Variants in KANSL1L observed in about 807,000 individuals in gnomAD.
KANSL1L encodes the protein KAT8 regulatory NSL complex subunit 1 like.
A neutral mutation model predicts 108.6 loss-of-function variants in KANSL1L; 25 were observed. That is an observed-to-expected ratio of 0.23 (90% CI 0.17 to 0.32). The LOEUF (loss-of-function observed/expected upper bound fraction) is 0.32. KANSL1L is among the 10% of genes least tolerant of loss of function. The pLI is 1.00. For synonymous variants in KANSL1L, 405 were observed against 395.1 expected (o/e 1.03, Z -0.30); for missense variants, 1,137 against 1,125.7 (o/e 1.01, Z -0.14).
chr2:210,169,957 TAAGACA>T (rs1688233501), intron 1 of KANSL1L, among the ~76,000 whole-genome samples: 1 of 152,216 alleles, frequency 6.6e-6, no homozygotes, highest in Non-Finnish European at 1.5e-5. Context: ...TACAATCTCT[TAAGACA>T]GAGACCATAT....
chr2:210,030,541 G>T (rs1405385827), intron 9 of KANSL1L, among the ~76,000 whole-genome samples: 1 of 145,284 alleles, frequency 6.9e-6, no homozygotes, highest in Non-Finnish European at 1.5e-5. Flanking sequence ...GTTACTGTGT[G>T]TGTGTGTGTG....
chr2:210,070,224 C>CTTTTTTTTTTTTT (rs71043971), intron 6 of KANSL1L, among the ~76,000 whole-genome samples: 15 of 77,564 alleles, frequency 1.9e-4, no homozygotes, highest in Admixed American at 5.0e-4. Flanking sequence ...TTTCTCCGTT[C>CTTTTTTTTTTTTT]TTTTTTTTTT....
chr2:210,162,644 C>T (rs1447379517), intron 1 of KANSL1L, among the ~76,000 whole-genome samples: 1 of 151,702 alleles, frequency 6.6e-6, no homozygotes, highest in Non-Finnish European at 1.5e-5. Flanking sequence ...CAGGACAAAA[C>T]GTGGGGGTTT....
chr2:210,060,366 G>T (rs1252000813), intron 6 of KANSL1L, among the ~76,000 whole-genome samples: 1 of 152,134 alleles, frequency 6.6e-6, no homozygotes, highest in Non-Finnish European at 1.5e-5. Flanking sequence ...AATAGGAATA[G>T]TTCTGCCTTA....
chr2:210,049,606 A>C (rs974755553), intron 6 of KANSL1L, among the ~76,000 whole-genome samples: 4 of 152,058 alleles, frequency 2.6e-5, no homozygotes, highest in African/African-American at 9.7e-5. Flanking sequence ...TTAAAAGAAA[A>C]ATTTTCTTTC....
chr2:210,164,210 G>A (rs1023503313), intron 1 of KANSL1L, among the ~76,000 whole-genome samples: 3 of 152,160 alleles, frequency 2.0e-5, no homozygotes, highest in Non-Finnish European at 4.4e-5. Context: ...CTCTGTATGT[G>A]TGCCAAGTCT....
At chr2:210,113,637 C>A (rs1221530245) in intron 3 of KANSL1L, among the ~76,000 whole-genome samples, 2 of 151,894 alleles carry the variant, frequency 1.3e-5, no homozygotes, top group Admixed American at 1.3e-4. Context: ...GACTTTAAAA[C>A]AACTGTCTTA....
At chr2:210,118,472 C>CAAA (rs1273220048) in intron 3 of KANSL1L, among the ~76,000 whole-genome samples, 8 of 42,262 alleles carry the variant, frequency 1.9e-4, no homozygotes, top group African/African-American at 5.3e-4. Flanking sequence ...TACTCCAACT[C>CAAA]AAAAAAAAAA....
rs112348344 is a variant in KANSL1L, at chr2:210,044,005, A to G, written c.1855T>C (p.Tyr619His). ...TCTGATACATGTTCTCTTAATAGGT[A>G]AGACTCCGAATTGTGTTCATAGCTA... ...WSSYEHNSES[Y>H]LLREHVSELD... is the part of the protein sequence containing the mutation. Residue 619 changes from tyrosine (Y) to histidine (H), a missense_variant, in exon 7 of 15, where the codon TAC becomes CAC. Physicochemically the swap from Tyr to His is moderately conservative, Grantham distance 83. This residue lies in a region of KANSL1L where 575 missense variants were observed against 567.1 expected (regional missense o/e 1.01). Transcript: ENST00000281772. This position sits in a 1 kb window ranked among gnomAD's most constrained non-coding sequence, Gnocchi z 4.2. 47 of 1,609,204 alleles carry G rather than the reference A, an allele frequency of 2.9e-5. No homozygotes were observed. The African/African-American group carries it at 4.3e-4, about 15-fold the overall frequency.
chr2:210,076,676 A>C (rs1198597456), intron 5 of KANSL1L, among the ~76,000 whole-genome samples: 1 of 151,542 alleles, frequency 6.6e-6, no homozygotes, highest in African/African-American at 2.4e-5. Context: ...TATTCTTTAT[A>C]TTATTTTTTA....
chr2:210,083,829 CAAAAAAA>C (rs61456616), intron 5 of KANSL1L, among the ~76,000 whole-genome samples: 3 of 52,910 alleles, frequency 5.7e-5, no homozygotes, highest in Non-Finnish European at 1.2e-4. Flanking sequence ...GACTCCATCT[CAAAAAAA>C]AAAAAAAAAA....
At chr2:210,069,004 C>G (rs2094487643) in intron 6 of KANSL1L, among the ~76,000 whole-genome samples, 1 of 152,166 alleles carries the variant, frequency 6.6e-6, no homozygotes, top group Non-Finnish European at 1.5e-5. Context: ...CATCAAAGCT[C>G]TGGTTGCTTT....
At chr2:210,050,712 A>T (rs907195890) in intron 6 of KANSL1L, among the ~76,000 whole-genome samples, 15 of 151,756 alleles carry the variant, frequency 9.9e-5, no homozygotes, top group Non-Finnish European at 2.2e-4. Context: ...AAAAAAAAAA[A>T]AAATTAGCTG....
At position 210,079,650 on chromosome 2, in the gene KANSL1L, A is replaced by ATATGTGTG. The variant is rs1553653252; in HGVS notation, c.1551-3895_1551-3894insCACACATA. On this transcript the variant is annotated intron_variant, in intron 5 of 14. Transcript: ENST00000281772. Reference sequence around the variant, plus strand: ...TATATATATATATATATATATATATATATATATATATATATGTATGTGTGT... The same window carrying ATATGTGTG: ...TATATATATATATATATATATATATATATGTGTGTATATATATATATATGTATGTGTGT... Among the ~76,000 whole-genome samples, 9 of 19,526 alleles carry ATATGTGTG rather than the reference A, an allele frequency of 4.6e-4. 2 individuals carry two copies. The East Asian group carries it at 0.012, about 25-fold the overall frequency. The allele number at this position is 19,526 out of a possible 152,430, so 12.8% of individuals were successfully genotyped here. A position where few individuals can be genotyped will look rare whatever the true frequency, so the allele number is the denominator to read the frequency against.
chr2:210,052,555 C>T (rs905521055), intron 6 of KANSL1L, among the ~76,000 whole-genome samples: 1 of 152,172 alleles, frequency 6.6e-6, no homozygotes, highest in Non-Finnish European at 1.5e-5. Flanking sequence ...TCTAATCTAA[C>T]GTCAGTTATT....
intron 6 of KANSL1L, among the ~76,000 whole-genome samples, chr2:210,057,079 C>T (rs1266913363): frequency 6.6e-6 from 1 of 152,114 alleles, no homozygotes; most frequent in East Asian, 1.9e-4. Flanking sequence ...TTGCTTTGTC[C>T]TATAGAATGC....
intron 6 of KANSL1L, among the ~76,000 whole-genome samples, chr2:210,047,872 C>T (rs545271451): frequency 6.6e-6 from 1 of 152,302 alleles, no homozygotes; most frequent in East Asian, 1.9e-4. Flanking sequence ...ATAGAGACTT[C>T]TCTCCTTAAT....
chr2:210,169,274 T>A (rs768229327), intron 1 of KANSL1L, among the ~76,000 whole-genome samples: 12 of 152,124 alleles, frequency 7.9e-5, no homozygotes, highest in Admixed American at 6.5e-5. Flanking sequence ...AAATATACAC[T>A]AGCAAAACCA....
chr2:210,074,907 T>G (rs530069877), intron 6 of KANSL1L, among the ~76,000 whole-genome samples: 3 of 152,290 alleles, frequency 2.0e-5, no homozygotes, highest in East Asian at 3.9e-4. Context: ...GAACTAGAGA[T>G]AACTTATTTT....
Sources: allele counts gnomAD v4.1 joint callset (sites outside exome capture counted in the v4.1 genomes callset), GRCh38; gene constraint gnomAD v4.1.1; regional missense constraint gnomAD v4.1.1; non-coding constraint Gnocchi (gnomAD v3.1); transcripts MANE v1.5; gene names NCBI Gene and HGNC (gene_info 2026-07-23, HGNC 2026-07-21).